PARP8: variants seen among roughly 807,000 people sequenced by gnomAD.
The protein encoded by PARP8 is protein mono-ADP-ribosyltransferase PARP8.
In PARP8, 51 loss-of-function variants were observed where a neutral mutation model predicts 124.1. That is an observed-to-expected ratio of 0.41 (90% CI 0.33 to 0.52). The LOEUF is 0.52. Ranked by LOEUF, PARP8 falls within the 20% of genes least tolerant of loss-of-function variation. The pLI, the probability that PARP8 is intolerant of heterozygous loss-of-function variation, is 0.21. For synonymous variants in PARP8, 391 were observed against 361.5 expected (o/e 1.08, Z -0.93); for missense variants, 860 against 1,018.9 (o/e 0.84, Z 2.12).
At chr5:50,826,623 G>A (rs1746379411) in intron 18 of PARP8, 132 bp from the exon 19 acceptor site, 3 of 1,132,112 alleles carry the variant, frequency 2.6e-6, no homozygotes, top group Non-Finnish European at 3.6e-6. Flanking sequence ...TAAATTATGC[G>A]ACTAAATGAA....
chr5:50,747,169 T>TC (rs1240247010), intron 2 of PARP8, among the ~76,000 whole-genome samples: 12 of 144,780 alleles, frequency 8.3e-5, no homozygotes, highest in Non-Finnish European at 1.7e-4. Context: ...TTTTGTTTTT[T>TC]TTTTTTTTTT....
intron 2 of PARP8, among the ~76,000 whole-genome samples, chr5:50,713,314 C>T (rs1212131407): frequency 1.3e-5 from 2 of 151,902 alleles, no homozygotes; most frequent in African/African-American, 2.4e-5. Context: ...GATCTTGGTT[C>T]ACCACAACCT....
At chr5:50,833,486 AAG>A (rs1747216220) in intron 23 of PARP8, 3 of 428,624 alleles carry the variant, frequency 7.0e-6, no homozygotes, top group African/African-American at 4.1e-5. Flanking sequence ...AATTTAAAAA[AAG>A]AGAGTATAGC....
intron 22 of PARP8, among the ~76,000 whole-genome samples, chr5:50,831,564 A>C (rs1212457465): frequency 6.6e-6 from 1 of 152,232 alleles, no homozygotes; most frequent in Non-Finnish European, 1.5e-5. Flanking sequence ...CAAAGAAGAA[A>C]TCTATTAAAA....
At chr5:50,783,180 G>C (rs1313503432) in intron 9 of PARP8, among the ~76,000 whole-genome samples, 4 of 152,010 alleles carry the variant, frequency 2.6e-5, no homozygotes, top group African/African-American at 9.7e-5. Flanking sequence ...AGGGAAAAGA[G>C]AGAAGAGGGA....
intron 14 of PARP8, among the ~76,000 whole-genome samples, chr5:50,804,928 CT>C (rs533823076): frequency 1.1e-4 from 16 of 148,956 alleles, no homozygotes; most frequent in Admixed American, 2.0e-4. Flanking sequence ...TGCAGCTTTT[CT>C]TTTTTTTTTC....
At chr5:50,695,828 C>T (rs1408706897) in intron 2 of PARP8, among the ~76,000 whole-genome samples, 1 of 152,052 alleles carries the variant, frequency 6.6e-6, no homozygotes, top group Non-Finnish European at 1.5e-5. Context: ...TGATTTAGAG[C>T]TGCTATGGGA....
At chr5:50,677,006 T>G (rs1750709327) in intron 2 of PARP8, among the ~76,000 whole-genome samples, 1 of 152,294 alleles carries the variant, frequency 6.6e-6, no homozygotes, top group Non-Finnish European at 1.5e-5. Context: ...TAAGAGTAGG[T>G]ATATTTCTAT....
At chr5:50,742,321 T>C (rs1243945750) in intron 2 of PARP8, among the ~76,000 whole-genome samples, 1 of 152,208 alleles carries the variant, frequency 6.6e-6, no homozygotes, top group Non-Finnish European at 1.5e-5. Context: ...GTTACATATG[T>C]TTGATAGATT....
intron 2 of PARP8, among the ~76,000 whole-genome samples, chr5:50,714,513 G>A (rs1358429391): frequency 6.6e-6 from 1 of 152,004 alleles, no homozygotes; most frequent in East Asian, 1.9e-4. Context: ...CTATCAACCC[G>A]TCATCTAGGT....
chr5:50,732,314 A>G (rs1351455813), intron 2 of PARP8, among the ~76,000 whole-genome samples: 10 of 152,210 alleles, frequency 6.6e-5, no homozygotes, highest in Non-Finnish European at 1.3e-4. Flanking sequence ...TATAACAAGC[A>G]CAAAACATAT....
chr5:50,751,356 T>C (rs1759240232), intron 3 of PARP8, among the ~76,000 whole-genome samples: 1 of 152,194 alleles, frequency 6.6e-6, no homozygotes, highest in African/African-American at 2.4e-5. Context: ...GTGCTCTTTT[T>C]ACTGAATTCT....
chr5:50,754,846 T>C (rs1759738756), intron 3 of PARP8, among the ~76,000 whole-genome samples: 1 of 152,172 alleles, frequency 6.6e-6, no homozygotes, highest in East Asian at 1.9e-4. Flanking sequence ...CCAGCACCTG[T>C]TGTTTCCTGA....
intron 2 of PARP8, among the ~76,000 whole-genome samples, chr5:50,747,139 TG>T (rs1273237530): frequency 6.3e-5 from 8 of 127,754 alleles, no homozygotes; most frequent in South Asian, 5.2e-4. Flanking sequence ...TATTCAGTTA[TG>T]GTTTTTTTTG....
At chr5:50,754,931 C>G (rs1172856167) in intron 3 of PARP8, among the ~76,000 whole-genome samples, 2 of 152,144 alleles carry the variant, frequency 1.3e-5, no homozygotes, top group African/African-American at 4.8e-5. Flanking sequence ...TCTCTGATGG[C>G]CAGTGATGAT....
chr5:50,804,201 G>A (rs772228746), intron 14 of PARP8, among the ~76,000 whole-genome samples: 5 of 152,008 alleles, frequency 3.3e-5, no homozygotes, highest in Non-Finnish European at 5.9e-5. Flanking sequence ...CAACTAAAAC[G>A]CTTACTGTAA....
intron 2 of PARP8, among the ~76,000 whole-genome samples, chr5:50,693,524 C>A (rs1752707022): frequency 6.6e-6 from 1 of 151,806 alleles, no homozygotes; most frequent in Non-Finnish European, 1.5e-5. Context: ...GTCTACATTG[C>A]CCATGATTTC....
In PARP8 at chr5:50,778,564, A is replaced by G; in HGVS notation, c.584A>G (p.Glu195Gly). The change falls in exon 9 of 26, where the codon GAG becomes GGG. Residue 195 changes from glutamate to glycine, a missense_variant. This residue lies in a region of PARP8 where 517 missense variants were observed against 544.2 expected (regional missense o/e 0.95). Coordinates refer to ENST00000281631, the MANE Select transcript of PARP8 (RefSeq NM_024615.4). ...LHIDVSFLDE[E>G]IAVAWEVIRT... ...CTTTTAAATATATTTGTGCAGGAGG[A>G]GATTGCTGTGGCTTGGGAAGTAATT... 1 of 1,603,790 alleles carries G rather than the reference A, an allele frequency of 6.2e-7. No homozygotes were observed. Among genetic ancestry groups the G allele is most frequent in the African/African-American group, 1.3e-5 (1 of 74,546 alleles).
intron 2 of PARP8, among the ~76,000 whole-genome samples, chr5:50,745,447 C>T (rs932320370): frequency 6.6e-6 from 1 of 152,128 alleles, no homozygotes; most frequent in Non-Finnish European, 1.5e-5. Context: ...ATTAAATCAT[C>T]ACAGCAGGCT....
Sources: allele counts gnomAD v4.1 joint callset (sites outside exome capture counted in the v4.1 genomes callset), GRCh38; gene constraint gnomAD v4.1.1; regional missense constraint gnomAD v4.1.1; transcripts MANE v1.5; gene names NCBI Gene and HGNC (gene_info 2026-07-23, HGNC 2026-07-21).